The following DYRK1B variants were observed in gnomAD, a reference collection of about 807,000 sequenced individuals.
The protein encoded by DYRK1B is dual specificity tyrosine phosphorylation regulated kinase 1B, also known as dual specificity tyrosine-phosphorylation-regulated kinase 1B.
A neutral mutation model predicts 57.1 loss-of-function variants in DYRK1B; 20 were observed. The ratio of observed to expected loss-of-function variants is 0.35; its 90% CI spans 0.25 to 0.51. DYRK1B has a LOEUF of 0.51. DYRK1B is among the 20% of genes least tolerant of loss of function. The probability of loss-of-function intolerance (pLI) is 0.96; values close to 1 mark genes in which losing one functional copy is unlikely to be tolerated. For missense variants in DYRK1B, 732 were observed against 886.3 expected, an observed-to-expected ratio of 0.83 and a Z score of 2.21; for synonymous variants, 409 against 384.7, an observed-to-expected ratio of 1.06 and a Z score of -0.74.
chr19:39,827,026 C>A, intron 8 of DYRK1B, 39 bp from the exon 9 acceptor site: 1 of 1,376,362 alleles, frequency 7.3e-7, no homozygotes, highest in East Asian at 2.8e-5. Context: ...AAGAGAGTGG[C>A]CGTCAGTGGG....
At chr19:39,830,336 G>C (rs1766068348) in intron 4 of DYRK1B, 39 bp downstream of exon 4, 1 of 1,612,550 alleles carries the variant, frequency 6.2e-7, no homozygotes, top group Admixed American at 1.7e-5. Flanking sequence ...ATCAATGTTA[G>C]TGGGGCCTTG....
intron 5 of DYRK1B, 193 bp downstream of exon 5, chr19:39,829,687 A>C: frequency 4.7e-6 from 3 of 643,276 alleles, no homozygotes; most frequent in Non-Finnish European, 7.6e-6. Flanking sequence ...GTAACCTCTG[A>C]CCATTACCAA....
intron 8 of DYRK1B, 85 bp downstream of exon 8, chr19:39,827,200 A>G: frequency 4.7e-6 from 7 of 1,486,866 alleles, no homozygotes; most frequent in Non-Finnish European, 6.3e-6. Context: ...GGAAAGACAC[A>G]AGGGAGAGGG....
At position 39,826,610 on chromosome 19, in the gene DYRK1B, G is replaced by C. The variant is rs1968550407; in HGVS notation, c.1411+62C>G. 6.8e-7 allele frequency: 1 copy of C among 1,475,120 alleles called. No individual in the cohort carries two copies. Among genetic ancestry groups the C allele is most frequent in the Non-Finnish European group, 9.0e-7 (1 of 1,110,672 alleles). 91.4% of individuals were successfully genotyped at this position (1,475,120 alleles called of 1,614,324 possible). ...GAAGACCCAGTAACCAGGTCCCCCA[G>C]GACAGGCCAAACCTGAGCAGCCCCC... On this transcript the variant is annotated intron_variant, in intron 9 of 10. Coordinates refer to ENST00000323039, the MANE Select transcript of DYRK1B (RefSeq NM_004714.3). This position sits in a 1 kb window ranked among gnomAD's most constrained non-coding sequence, Gnocchi z 6.3.
In DYRK1B at chr19:39,826,435, G is replaced by T; in HGVS notation, c.1412-149C>A. Reference sequence around the variant, plus strand: ...TCTGAAGCACCGGGCCCAATTCTGAGATTCTGGGTTGGAATTCAGTTTTGG... The same window carrying T: ...TCTGAAGCACCGGGCCCAATTCTGATATTCTGGGTTGGAATTCAGTTTTGG... On this transcript the variant is annotated intron_variant, in intron 9 of 10. Coordinates refer to ENST00000323039, the MANE Select transcript of DYRK1B (RefSeq NM_004714.3). The surrounding 1 kb of genome is among the most constrained non-coding windows in gnomAD (Gnocchi z 6.3). 2.3e-6 allele frequency: 2 copies of T among 854,864 alleles called. No individual in the cohort carries two copies. Among genetic ancestry groups the T allele is most frequent in the South Asian group, 3.9e-5 (2 of 51,346 alleles). The allele number at this position is 854,864 out of a possible 1,614,324, so 53.0% of individuals were successfully genotyped here.
chr19:39,828,288 GC>G lies in DYRK1B; in HGVS notation c.807+8del. The G allele has an allele frequency of 6.2e-7, 1 of 1,613,178 alleles. No individual in the cohort carries two copies. Among genetic ancestry groups the G allele is most frequent in the Non-Finnish European group, 8.5e-7 (1 of 1,179,678 alleles). ...CTAGCCGTGCTCCCAGGACCGGGCCGCCCCCTACCCTCTGGCCAAGCTGGCA... is the reference window on the plus strand; with the variant it reads ...CTAGCCGTGCTCCCAGGACCGGGCCGCCCCTACCCTCTGGCCAAGCTGGCA... On this transcript the variant is annotated splice_region_variant and intron_variant, in intron 6 of 10. Coordinates refer to ENST00000323039, the MANE Select transcript of DYRK1B (RefSeq NM_004714.3). This position sits in a 1 kb window ranked among gnomAD's most constrained non-coding sequence, Gnocchi z 4.3.
At position 39,830,768 on chromosome 19, in the gene DYRK1B, G is replaced by A. The variant is rs370702932; in HGVS notation, c.79C>T (p.Arg27Trp). 2.5e-5 allele frequency: 41 copies of A among 1,613,176 alleles called. No homozygotes were observed. The highest frequency in any genetic ancestry group is 7.7e-5 in the South Asian group (7 of 90,928). ...QEHTQVLPDV[R>W]LLPRRLPLAF... ...AGGGGCAGCCTCCGAGGCAGTAGCC[G>A]CACATCAGGCAATACCTGCAGGGCA... Residue 27 changes from arginine to tryptophan, a missense_variant, in exon 3 of 11, where the codon CGG (arginine) becomes TGG (tryptophan). Physicochemically the swap from Arg to Trp is moderately radical, Grantham distance 101 (BLOSUM62 -3). This residue lies in a region of DYRK1B where 510 missense variants were observed against 681.3 expected (regional missense o/e 0.75). Coordinates refer to ENST00000323039, the MANE Select transcript of DYRK1B (RefSeq NM_004714.3).
Position 39,825,867 on chromosome 19 carries a change from G to A in DYRK1B, c.1738C>T (p.Pro580Ser), listed in dbSNP as rs1376315079. 33 of 1,601,232 alleles carry A rather than the reference G, an allele frequency of 2.1e-5. No homozygotes were observed. The highest frequency in any genetic ancestry group is 2.7e-5 in the Non-Finnish European group (32 of 1,174,246). The change falls in exon 11 of 11, where the codon CCA (proline) becomes TCA (serine). Residue 580 changes from proline to serine, a missense_variant. This residue lies in a region of DYRK1B where 222 missense variants were observed against 205.0 expected (regional missense o/e 1.08). Transcript: ENST00000323039. The part of the protein sequence containing the change: ...GGPADCSPPH[P>S]APAPQHPAAS... ...GCCGGGTGCTGGGGGGCAGGCGCTG[G>A]GTGAGGTGGGGAGCAGTCAGCAGGG...
intron 8 of DYRK1B, 94 bp from the exon 9 acceptor site, chr19:39,827,081 G>C: frequency 8.1e-7 from 1 of 1,227,996 alleles, no homozygotes; most frequent in Non-Finnish European, 1.1e-6. Flanking sequence ...AGGCACAAGA[G>C]AGAAAGTGGA....
At position 39,830,368 on chromosome 19, in the gene DYRK1B, C is replaced by T; in HGVS notation, c.372+7G>A. ...CTTGGATCAGGGTGGTGGGGGGTGTCCCACACCTGGCCAAAGGAGCCTTTG... is the reference window on the plus strand; with the variant it reads ...CTTGGATCAGGGTGGTGGGGGGTGTTCCACACCTGGCCAAAGGAGCCTTTG... On this transcript the variant is annotated splice_region_variant and intron_variant, in intron 4 of 10. Coordinates refer to ENST00000323039, the MANE Select transcript of DYRK1B (RefSeq NM_004714.3). 6.2e-7 allele frequency: 1 copy of T among 1,613,974 alleles called. No individual in the cohort carries two copies. The highest frequency in any genetic ancestry group is 8.5e-7 in the Non-Finnish European group (1 of 1,180,028).
chr19:39,826,659 C>T lies in DYRK1B; in HGVS notation c.1411+13G>A. 1 of 1,588,598 alleles carries T rather than the reference C, an allele frequency of 6.3e-7. No homozygotes were observed. Among genetic ancestry groups the T allele is most frequent in the African/African-American group, 1.4e-5 (1 of 73,838 alleles). ...CCACCCGTTGTACCCCATTTGGGCA[C>T]CTGGGCACCCACCAGAACTGGAGAT... On this transcript the variant is annotated intron_variant, in intron 9 of 10. Transcript: ENST00000323039. This position sits in a 1 kb window ranked among gnomAD's most constrained non-coding sequence, Gnocchi z 6.3.
chr19:39,827,172 A>AG, intron 8 of DYRK1B, 113 bp downstream of exon 8: 1 of 1,379,194 alleles, frequency 7.3e-7, no homozygotes, highest in Non-Finnish European at 9.8e-7. Context: ...AGGACAGACA[A>AG]GGGGGAGTGG....
At position 39,827,515 on chromosome 19, in the gene DYRK1B, T is replaced by C; in HGVS notation, c.949A>G (p.Asn317Asp). Residue 317 changes from asparagine to aspartate, a missense_variant, in exon 7 of 11, where the codon AAT (asparagine) becomes GAT (aspartate). Coordinates refer to ENST00000323039, the MANE Select transcript of DYRK1B (RefSeq NM_004714.3). ...ACCCCTTCCTGGGGGCACACCTCAT[T>C]GGAGCCACTGAAGAGGGGCTCTCCG... Reference protein sequence around the residue: ...HTGEPLFSGSNEVDQMNRIVE... With the variant: ...HTGEPLFSGSDEVDQMNRIVE... 1 of 1,613,806 alleles carries C rather than the reference T, an allele frequency of 6.2e-7. No individual in the cohort carries two copies. The highest frequency in any genetic ancestry group is 8.5e-7 in the Non-Finnish European group (1 of 1,179,862).
chr19:39,829,174 T>TTTTG (rs1555783687), intron 5 of DYRK1B, among the ~76,000 whole-genome samples: 2 of 151,940 alleles, frequency 1.3e-5, no homozygotes, highest in Non-Finnish European at 1.5e-5. Flanking sequence ...TTCGTTTTTT[T>TTTTG]TTGTTGTTGT....
At chr19:39,833,024 T>C in intron 1 of DYRK1B, 1 of 985,200 alleles carries the variant, frequency 1.0e-6, no homozygotes, top group Non-Finnish European at 1.2e-6. Context: ...CTGTGTCCAC[T>C]CCTAGAGGGC....
Position 39,827,073 on chromosome 19 carries a change from G to A in DYRK1B, c.1096-86C>T, listed in dbSNP as rs547140249. ...GGGAGACACACACGGGGAAACAGAG[G>A]CACAAGAGAGAAAGTGGAAAGAAAA... On this transcript the variant is annotated intron_variant, in intron 8 of 10. Coordinates refer to ENST00000323039, the MANE Select transcript of DYRK1B (RefSeq NM_004714.3). The A allele has an allele frequency of 4.0e-6, 5 of 1,245,072 alleles. No homozygotes were observed. The African/African-American group carries it at 4.6e-5, about 11-fold the overall frequency. The allele number at this position is 1,245,072 out of a possible 1,614,324, so 77.1% of individuals were successfully genotyped here.
chr19:39,833,424 AG>A (rs1968921745), intron 1 of DYRK1B: 1 of 902,416 alleles, frequency 1.1e-6, no homozygotes, highest in African/African-American at 1.8e-5. Flanking sequence ...CAAGCGGGAC[AG>A]GAGGCCCGGT....
Position 39,826,135 on chromosome 19 carries a change from C to T in DYRK1B, c.1518+45G>A, listed in dbSNP as rs753998669. The T allele has an allele frequency of 6.4e-7, 1 of 1,574,140 alleles. No individual in the cohort carries two copies. On this transcript the variant is annotated intron_variant, in intron 10 of 10. Transcript: ENST00000323039. The surrounding 1 kb of genome is among the most constrained non-coding windows in gnomAD (Gnocchi z 6.3). ...GTGATGGAGACCCTGGTCTCTAAGC[C>T]CCAGGCACCACCACCCACCTCCAAA...
chr19:39,829,662 C>T, intron 5 of DYRK1B: 1 of 488,316 alleles, frequency 2.0e-6, no homozygotes, highest in Non-Finnish European at 3.5e-6. Flanking sequence ...GAGCCTGGCC[C>T]TTGGTGAGCA....
Sources: allele counts gnomAD v4.1 joint callset (sites outside exome capture counted in the v4.1 genomes callset), GRCh38; gene constraint gnomAD v4.1.1; regional missense constraint gnomAD v4.1.1; non-coding constraint Gnocchi (gnomAD v3.1); transcripts MANE v1.5; gene names NCBI Gene and HGNC (gene_info 2026-07-23, HGNC 2026-07-21).